ADGRG7: variants seen among roughly 807,000 people sequenced by gnomAD.
ADGRG7 encodes the protein adhesion G protein-coupled receptor G7, also known as G-protein coupled receptor 128.
In ADGRG7, 82 loss-of-function variants were observed where a neutral mutation model predicts 88.6. The observed-to-expected ratio is 0.93, with a 90% CI of 0.77 to 1.11. ADGRG7 has a LOEUF of 1.11. Among genes scored for constraint, ADGRG7 ranks in the 50% most tolerant of loss-of-function variants. The pLI is 0.00. For synonymous variants in ADGRG7, 381 were observed against 345.2 expected, an observed-to-expected ratio of 1.10 and a Z score of -1.15; for missense variants, 945 against 953.4, an observed-to-expected ratio of 0.99 and a Z score of 0.12.
In ADGRG7 at chr3:100,633,274, C is replaced by A; in HGVS notation, c.344C>A (p.Pro115Gln). Residue 115 changes from proline (P) to glutamine (Q), a missense_variant, in exon 4 of 16, where the codon CCA (proline) becomes CAA (glutamine). Coordinates refer to ENST00000273352, the MANE Select transcript of ADGRG7 (RefSeq NM_032787.3). The stretch of plus-strand genomic sequence containing the variant: ...TTTCTTTGTATTAAAGCGGGCAATC[C>A]AATGGCAGTCCGGTTGTGCAGTCTC... ...CGKDTPNAGN[P>Q]MAVRLCSLSL... 6.8e-7 allele frequency: 1 copy of A among 1,469,998 alleles called. No individual in the cohort carries two copies. Among genetic ancestry groups the A allele is most frequent in the Non-Finnish European group, 9.0e-7 (1 of 1,106,938 alleles). The allele number at this position is 1,469,998 out of a possible 1,614,324, so 91.1% of individuals were successfully genotyped here.
chr3:100,619,684 G>A (rs538262276), intron 1 of ADGRG7, among the ~76,000 whole-genome samples: 3 of 152,106 alleles, frequency 2.0e-5, no homozygotes, highest in Admixed American at 1.3e-4. Flanking sequence ...GAAGAAAAGA[G>A]AGAAGAATCA....
intron 1 of ADGRG7, among the ~76,000 whole-genome samples, chr3:100,615,780 AAGTCAACCATATG>A (rs1451092202): frequency 6.6e-6 from 1 of 152,146 alleles, no homozygotes; most frequent in Non-Finnish European, 1.5e-5. Flanking sequence ...ATAAAGAGTA[AAGTCAACCATATG>A]AGGGGCAGCA....
intron 14 of ADGRG7, among the ~76,000 whole-genome samples, chr3:100,665,780 T>A (rs1189278090): frequency 1.3e-5 from 2 of 152,204 alleles, no homozygotes; most frequent in Non-Finnish European, 2.9e-5. Context: ...ATACAAAAAT[T>A]ATCATGTTTG....
chr3:100,649,856 A>G (rs2149027566), intron 11 of ADGRG7, 49 bp downstream of exon 11: 2 of 1,026,628 alleles, frequency 1.9e-6, no homozygotes, highest in East Asian at 4.8e-5. Flanking sequence ...CTATCTTGAT[A>G]TAATTTACTC....
intron 2 of ADGRG7, among the ~76,000 whole-genome samples, chr3:100,630,430 T>G (rs901554432): frequency 2.6e-5 from 4 of 152,212 alleles, no homozygotes; most frequent in African/African-American, 4.8e-5. Context: ...AGATTCCAAC[T>G]AATCTGTTAC....
At chr3:100,638,548 A>G (rs1011628390) in intron 6 of ADGRG7, among the ~76,000 whole-genome samples, 1 of 152,170 alleles carries the variant, frequency 6.6e-6, no homozygotes, top group Non-Finnish European at 1.5e-5. Context: ...GATTCGTAAA[A>G]AGACATTATT....
In ADGRG7 at chr3:100,695,084, C is replaced by A; in HGVS notation, c.*83C>A. ...TCTCTCCTTTATTTCCCAGTCCTCT[C>A]AGAAAGTCTTCCTCAATGTATTTTG... is the stretch of plus-strand genomic sequence containing the variant. On this transcript the variant is annotated 3_prime_UTR_variant, in exon 16 of 16. Coordinates refer to ENST00000273352, the MANE Select transcript of ADGRG7 (RefSeq NM_032787.3). 1 of 1,397,616 alleles carries A rather than the reference C, an allele frequency of 7.2e-7. No individual in the cohort carries two copies. The highest frequency in any genetic ancestry group is 9.8e-7 in the Non-Finnish European group (1 of 1,020,878). The allele number at this position is 1,397,616 out of a possible 1,614,324, so 86.6% of individuals were successfully genotyped here.
intron 15 of ADGRG7, among the ~76,000 whole-genome samples, chr3:100,686,716 T>A (rs1190930819): frequency 6.6e-6 from 1 of 152,220 alleles, no homozygotes; most frequent in East Asian, 1.9e-4. Context: ...GAAGGCTCTG[T>A]TCTGTTCCAA....
At chr3:100,653,265 T>C (rs915828367) in intron 11 of ADGRG7, among the ~76,000 whole-genome samples, 1 of 152,264 alleles carries the variant, frequency 6.6e-6, no homozygotes, top group Non-Finnish European at 1.5e-5. Context: ...TAAATCTTCA[T>C]GTAAGCTTCA....
Position 100,655,102 on chromosome 3 carries a change from A to G in ADGRG7, c.1647A>G (p.Ala549=). 6.2e-7 allele frequency: 1 copy of G among 1,614,202 alleles called. No homozygotes were observed. The highest frequency in any genetic ancestry group is 1.1e-5 in the South Asian group (1 of 91,086). Residue 549 remains alanine, a synonymous_variant, in exon 12 of 16, where the codon GCA becomes GCG. Coordinates refer to ENST00000273352, the MANE Select transcript of ADGRG7 (RefSeq NM_032787.3). ...VTFTWNALSA[A]QLYYLLIRTM... The stretch of plus-strand genomic sequence containing the variant: ...TTACCTGGAACGCACTCAGCGCTGC[A>G]CAGCTCTATTACCTTCTAATAAGGA...
chr3:100,645,121 A>G (rs757883684), intron 8 of ADGRG7, among the ~76,000 whole-genome samples: 19 of 152,262 alleles, frequency 1.2e-4, no homozygotes, highest in Non-Finnish European at 2.6e-4. Context: ...AACAGAGTTT[A>G]GGAAATTAAT....
At chr3:100,638,251 C>A (rs1227984395) in intron 6 of ADGRG7, among the ~76,000 whole-genome samples, 1 of 152,162 alleles carries the variant, frequency 6.6e-6, no homozygotes, top group Non-Finnish European at 1.5e-5. Context: ...GTCACCTGGA[C>A]AAATTGAAGG....
intron 1 of ADGRG7, among the ~76,000 whole-genome samples, chr3:100,628,089 C>A (rs2149016114): frequency 6.6e-6 from 1 of 152,152 alleles, no homozygotes; most frequent in East Asian, 1.9e-4. Context: ...GTTCTTGCAA[C>A]CCCAAAGAGT....
At position 100,635,837 on chromosome 3, in the gene ADGRG7, C is replaced by CA; in HGVS notation, c.597+12dup. The CA allele has an allele frequency of 6.3e-7, 1 of 1,593,336 alleles. No individual in the cohort carries two copies. On this transcript the variant is annotated intron_variant, in intron 5 of 15. Coordinates refer to ENST00000273352, the MANE Select transcript of ADGRG7 (RefSeq NM_032787.3). Reference sequence around the variant, plus strand: ...AATGCTTCACCTGAGGTAAAACTCACAGAGCTTTAAAAAAAATTTTTTTTT... The same window carrying CA: ...AATGCTTCACCTGAGGTAAAACTCACAAGAGCTTTAAAAAAAATTTTTTTTT...
intron 15 of ADGRG7, among the ~76,000 whole-genome samples, chr3:100,683,712 T>C (rs781357195): frequency 1.3e-5 from 2 of 152,230 alleles, no homozygotes; most frequent in Non-Finnish European, 2.9e-5. Flanking sequence ...TAGAGCTAAA[T>C]GTTGGCAAAG....
intron 6 of ADGRG7, among the ~76,000 whole-genome samples, chr3:100,638,856 C>T (rs1707591014): frequency 6.6e-6 from 1 of 152,008 alleles, no homozygotes; most frequent in African/African-American, 2.4e-5. Flanking sequence ...GTATTTTTAC[C>T]TTATGCACAC....
chr3:100,623,773 T>C (rs568517137), intron 1 of ADGRG7, among the ~76,000 whole-genome samples: 1 of 152,260 alleles, frequency 6.6e-6, no homozygotes, highest in South Asian at 2.1e-4. Context: ...ATTGTTCAAC[T>C]TCCACATATA....
rs551287915 is a variant in ADGRG7, at chr3:100,637,808, C to G, written c.698+406C>G. Among the ~76,000 whole-genome samples, 19 of 152,360 alleles carry G rather than the reference C, an allele frequency of 1.2e-4. No homozygotes were observed. In the South Asian group the frequency reaches 2.7e-3, roughly 22 times the overall value. The stretch of plus-strand genomic sequence containing the variant: ...ATCCCCCAAGCTGCACCTCACTTCT[C>G]TCTTTCCAAGGCCCTGGTATATTTT... On this transcript the variant is annotated intron_variant, in intron 6 of 15. Transcript: ENST00000273352.
At chr3:100,651,636 G>A (rs1298895316) in intron 11 of ADGRG7, among the ~76,000 whole-genome samples, 1 of 151,978 alleles carries the variant, frequency 6.6e-6, no homozygotes, top group Non-Finnish European at 1.5e-5. Flanking sequence ...TTGAGCCCAG[G>A]AGTTTGAGAC....
Sources: allele counts gnomAD v4.1 joint callset (sites outside exome capture counted in the v4.1 genomes callset), GRCh38; gene constraint gnomAD v4.1.1; transcripts MANE v1.5; gene names NCBI Gene and HGNC (gene_info 2026-07-23, HGNC 2026-07-21).